The following SYTL2 variants were observed in gnomAD, a reference collection of about 807,000 sequenced individuals.
The protein encoded by SYTL2 is synaptotagmin-like protein 2.
SYTL2 carries 165 observed loss-of-function variants against 198.7 expected under a neutral mutation model. The ratio of observed to expected loss-of-function variants is 0.83; its 90% CI spans 0.73 to 0.94. The LOEUF (loss-of-function observed/expected upper bound fraction) is 0.94, where lower values mean the gene tolerates loss of function less well. Among genes scored for constraint, SYTL2 ranks in the 40% least tolerant of loss-of-function variants. The probability of loss-of-function intolerance (pLI) is 0.00; values close to 1 mark genes in which losing one functional copy is unlikely to be tolerated. For missense variants in SYTL2, 2,835 were observed against 2,582.8 expected (o/e 1.10, Z -2.12); for synonymous variants, 966 against 917.7 (o/e 1.05, Z -0.95).
chr11:85,720,760 G>T (rs2088174131), intron 9 of SYTL2, 98 bp downstream of exon 9: 4 of 802,542 alleles, frequency 5.0e-6, no homozygotes, highest in South Asian at 4.6e-5. Context: ...CCATTAGAGG[G>T]TGCAGTGCAC....
At chr11:85,722,424 T>C (rs1293528077) in intron 8 of SYTL2, among the ~76,000 whole-genome samples, 2 of 152,100 alleles carry the variant, frequency 1.3e-5, no homozygotes, top group African/African-American at 4.8e-5. Flanking sequence ...TCTGCCCGCC[T>C]TGGCCTCCCA....
chr11:85,770,556 G>C (rs939031139), intron 1 of SYTL2, among the ~76,000 whole-genome samples: 1 of 152,054 alleles, frequency 6.6e-6, no homozygotes. Context: ...TTCATTCCAA[G>C]TTCCCTATCC....
chr11:85,760,761 A>C (rs1396721341), intron 1 of SYTL2, among the ~76,000 whole-genome samples: 1 of 142,358 alleles, frequency 7.0e-6, no homozygotes, highest in Admixed American at 7.1e-5. Flanking sequence ...GCAGAATACA[A>C]CCTAACAAGT....
the SYTL2 span, among the ~76,000 whole-genome samples, chr11:85,823,993 T>C: frequency 6.6e-6 from 1 of 152,156 alleles, no homozygotes; most frequent in Non-Finnish European, 1.5e-5. Flanking sequence ...AAACCCTGAA[T>C]GGGACTTTAA....
At chr11:85,851,891 T>A in the SYTL2 span, among the ~76,000 whole-genome samples, 2 of 152,250 alleles carry the variant, frequency 1.3e-5, no homozygotes, top group South Asian at 4.1e-4. Flanking sequence ...TAATCCCATC[T>A]GATGATGTTA....
intron 9 of SYTL2, chr11:85,719,239 G>C (rs2087875303): frequency 3.3e-6 from 4 of 1,196,754 alleles, no homozygotes; most frequent in South Asian, 1.6e-5. Context: ...TTGTGTGTGT[G>C]CATCATCATT....
At chr11:85,736,145 G>A (rs1464386755) in intron 6 of SYTL2, among the ~76,000 whole-genome samples, 1 of 152,196 alleles carries the variant, frequency 6.6e-6, no homozygotes, top group Non-Finnish European at 1.5e-5. Flanking sequence ...CTTGAGGCAA[G>A]CCCTTTTAAA....
At position 85,714,493 on chromosome 11, in the gene SYTL2, T is replaced by C. The variant is rs112009025; in HGVS notation, c.5545A>G (p.Thr1849Ala). The change falls in exon 12 of 20, where the codon ACA becomes GCA. Residue 1849 changes from threonine to alanine, a missense_variant. By Grantham distance (58) the Thr-to-Ala change is moderately conservative. Transcript: ENST00000359152. ...ECVPRISTVP[T>A]QPDNPFSHPD... The stretch of plus-strand genomic sequence containing the variant: ...TGAGAAAATGGATTATCAGGTTGTG[T>C]AGGCACTGTGGAAACTAAACAGCAG... The C allele has an allele frequency of 2.6e-5, 42 of 1,613,096 alleles. No individual in the cohort carries two copies. The highest frequency in any genetic ancestry group is 6.7e-5 in the Admixed American group (4 of 59,996).
At chr11:85,710,016 C>T (rs1322728383) in intron 13 of SYTL2, among the ~76,000 whole-genome samples, 1 of 152,134 alleles carries the variant, frequency 6.6e-6, no homozygotes, top group African/African-American at 2.4e-5. Flanking sequence ...CCCTATAAGA[C>T]ATAGATGAAA....
At chr11:85,699,571 TG>T (rs1565841854) in intron 17 of SYTL2, among the ~76,000 whole-genome samples, 1 of 150,862 alleles carries the variant, frequency 6.6e-6, no homozygotes, top group African/African-American at 2.4e-5. Context: ...CTTTCTTTTT[TG>T]GGGGGCGGGG....
chr11:85,697,912 G>C, intron 18 of SYTL2, 67 bp downstream of exon 18: 1 of 987,062 alleles, frequency 1.0e-6, no homozygotes, highest in Non-Finnish European at 1.6e-6. Flanking sequence ...CAGATATAGA[G>C]AACCGAAACT....
At chr11:85,768,071 C>G (rs1407661894) in intron 1 of SYTL2, among the ~76,000 whole-genome samples, 1 of 152,180 alleles carries the variant, frequency 6.6e-6, no homozygotes, top group African/African-American at 2.4e-5. Flanking sequence ...AGCATCAGCA[C>G]TTGCATGACC....
chr11:85,846,443 T>C, the SYTL2 span, among the ~76,000 whole-genome samples: 366 of 152,132 alleles, frequency 2.4e-3, 3 homozygotes, highest in Non-Finnish European at 3.7e-3. Context: ...GTTTTGTTTT[T>C]TTGAGACAGA....
At chr11:85,836,165 C>A in the SYTL2 span, among the ~76,000 whole-genome samples, 2 of 152,302 alleles carry the variant, frequency 1.3e-5, no homozygotes, top group East Asian at 3.9e-4. Flanking sequence ...GGTATTGGTA[C>A]CACTTTAAGT....
At chr11:85,784,075 A>T (rs1392193117) in intron 1 of SYTL2, among the ~76,000 whole-genome samples, 1 of 152,202 alleles carries the variant, frequency 6.6e-6, no homozygotes, top group Non-Finnish European at 1.5e-5. Flanking sequence ...CAGGCTTCCT[A>T]GTATGACCCA....
chr11:85,823,069 A>C, the SYTL2 span, among the ~76,000 whole-genome samples: 1 of 152,246 alleles, frequency 6.6e-6, no homozygotes, highest in Non-Finnish European at 1.5e-5. Flanking sequence ...GCCTAGTCCC[A>C]GCCTCCTCCC....
At chr11:85,848,975 A>G in the SYTL2 span, among the ~76,000 whole-genome samples, 1 of 152,226 alleles carries the variant, frequency 6.6e-6, no homozygotes, top group Non-Finnish European at 1.5e-5. Context: ...AAAGAAAAAA[A>G]AGTGAACTGC....
At chr11:85,746,661 C>G (rs530583119) in intron 3 of SYTL2, among the ~76,000 whole-genome samples, 25 of 152,282 alleles carry the variant, frequency 1.6e-4, no homozygotes, top group African/African-American at 5.1e-4. Context: ...AGTATCCCCC[C>G]ACAGGTCCTG....
At chr11:85,846,994 G>A in the SYTL2 span, among the ~76,000 whole-genome samples, 18 of 152,140 alleles carry the variant, frequency 1.2e-4, no homozygotes, top group African/African-American at 1.9e-4. Context: ...TCGGCCTCCC[G>A]AAGCGCTGAG....
Sources: gnomAD v4.1 joint callset for allele counts (sites outside exome capture counted in the v4.1 genomes callset) on GRCh38, gnomAD v4.1.1 for gene constraint, MANE v1.5 for transcripts, NCBI Gene and HGNC (gene_info 2026-07-23, HGNC 2026-07-21) for gene names.